Variants in ENPP1 observed in about 807,000 individuals in gnomAD.
ENPP1 encodes the protein ectonucleotide pyrophosphatase/phosphodiesterase 1.
Under a neutral mutation model 122.8 loss-of-function variants are expected in ENPP1, and 73 were observed. The ratio of observed to expected loss-of-function variants is 0.59; its 90% confidence interval spans 0.49 to 0.72. ENPP1 has a LOEUF of 0.72. Ranked by LOEUF, ENPP1 falls within the 30% of genes least tolerant of loss-of-function variation. The pLI is 0.00. For synonymous variants in ENPP1, 367 were observed against 391.6 expected, an observed-to-expected ratio of 0.94 and a Z score of 0.74; for missense variants, 978 against 1,128.1, an observed-to-expected ratio of 0.87 and a Z score of 1.91.
In ENPP1 at chr6:131,890,489, C is replaced by T; in HGVS notation, c.2756C>T (p.Pro919Leu). The stretch of plus-strand genomic sequence containing the variant: ...ATTTTAAAGTTGAAAACACATTTGC[C>T]AACCTTTAGCCAAGAAGACTGATAT... ...SDILKLKTHL[P>L]TFSQED Residue 919 changes from proline (P) to leucine (L), a missense_variant, in exon 25 of 25, where the codon CCA becomes CTA. Pro to Leu is a moderately conservative substitution (Grantham distance 98). Around this residue, in one of 3 missense-constraint regions of ENPP1, gnomAD observed 644 missense variants for 781.5 expected, o/e 0.82. Transcript: ENST00000647893. 2 of 1,613,912 alleles carry T rather than the reference C, an allele frequency of 1.2e-6. No individual in the cohort carries two copies. The highest frequency in any genetic ancestry group is 1.7e-6 in the Non-Finnish European group (2 of 1,179,786).
rs1479698678 is a variant in ENPP1 at position 131,872,319 on chromosome 6, A to G, written c.1437+218A>G. Among the ~76,000 whole-genome samples the G allele has an allele frequency of 2.0e-5, 3 of 152,298 alleles. No individual in the cohort carries two copies. In the East Asian group the frequency reaches 5.8e-4, roughly 29 times the overall value. On this transcript the variant is annotated intron_variant, in intron 14 of 24. Coordinates refer to ENST00000647893, the MANE Select transcript of ENPP1 (RefSeq NM_006208.3). ...AGAATTTGTCTATTGGCATTATAAAATTTATATGAGAAGAAGAAATAATTT... is the reference window on the plus strand; with the variant it reads ...AGAATTTGTCTATTGGCATTATAAAGTTTATATGAGAAGAAGAAATAATTT...
At chr6:131,809,066 T>C (rs2114644502) in intron 1 of ENPP1, among the ~76,000 whole-genome samples, 1 of 152,280 alleles carries the variant, frequency 6.6e-6, no homozygotes, top group Admixed American at 6.5e-5. Flanking sequence ...TGCGTAACTG[T>C]CCCTAAACCT....
intron 13 of ENPP1, among the ~76,000 whole-genome samples, chr6:131,870,920 A>T (rs1391810665): frequency 6.6e-6 from 1 of 152,192 alleles, no homozygotes; most frequent in African/African-American, 2.4e-5. Context: ...TATGAAAAAT[A>T]CAAAAATTAT....
intron 1 of ENPP1, among the ~76,000 whole-genome samples, chr6:131,829,279 A>G (rs532996378): frequency 5.6e-4 from 86 of 152,372 alleles, no homozygotes; most frequent in African/African-American, 2.0e-3. Context: ...AAAGTAATTT[A>G]ATACTACTTT....
At chr6:131,827,144 G>C in intron 1 of ENPP1, 3 of 726,938 alleles carry the variant, frequency 4.1e-6, no homozygotes, top group Non-Finnish European at 7.8e-6. Context: ...AGCATAAAAA[G>C]ATGCAGTTCT....
In ENPP1 at chr6:131,881,855, C is replaced by A. The variant is rs548330144; in HGVS notation, c.2101-490C>A. ...CCAACATGGTGAAACCCCATCTCTA[C>A]CAAAAACACAAAAATTAGCCAGGCG... On this transcript the variant is annotated intron_variant, in intron 20 of 24. Transcript: ENST00000647893. 6.2e-4 allele frequency among the ~76,000 whole-genome samples: 94 copies of A among 151,964 alleles called. 2 individuals carry two copies. The highest frequency in any genetic ancestry group is 2.0e-4 in the Admixed American group (3 of 15,270).
intron 1 of ENPP1, among the ~76,000 whole-genome samples, chr6:131,846,179 G>T (rs1188719643): frequency 6.6e-6 from 1 of 152,122 alleles, no homozygotes; most frequent in African/African-American, 2.4e-5. Context: ...CTGAAGGAAT[G>T]AATTCTTATA....
At chr6:131,837,537 A>G (rs544610691) in intron 1 of ENPP1, among the ~76,000 whole-genome samples, 9 of 151,144 alleles carry the variant, frequency 6.0e-5, no homozygotes, top group African/African-American at 2.2e-4. Context: ...AAAAAAAAAA[A>G]AAAAAACCCA....
Position 131,869,408 on chromosome 6 carries a change from G to A in ENPP1, c.1324G>A (p.Gly442Arg), listed in dbSNP as rs1433817804. ...ATACATATATCTGAATAAATATTTG[G>A]GGGATGTTAAAAATATTAAAGTTAT... ...KKYIYLNKYL[G>R]DVKNIKVIYG... Residue 442 changes from glycine to arginine, a missense_variant, in exon 13 of 25, where the codon GGG becomes AGG. Transcript: ENST00000647893. 1.2e-6 allele frequency: 2 copies of A among 1,612,266 alleles called. No individual in the cohort carries two copies. The highest frequency in any genetic ancestry group is 2.2e-5 in the South Asian group (2 of 91,034).
rs1481305632 is a variant in ENPP1 at position 131,878,523 on chromosome 6, G to C, written c.1894-19G>C. The C allele has an allele frequency of 1.3e-6, 2 of 1,575,732 alleles. No homozygotes were observed. On this transcript the variant is annotated intron_variant, in intron 18 of 24. Transcript: ENST00000647893. The stretch of plus-strand genomic sequence containing the variant: ...ACATGTCTCTCAGTCCTTAAAAATA[G>C]TTTTATAACCTTTTTTAGATTTTGC...
rs1389246050 is a variant in ENPP1 at position 131,851,256 on chromosome 6, C to G, written c.545C>G (p.Ser182Cys). ...DKGDCCINYSSVCQGEKSWVE... is the reference protein window; with the variant it reads ...DKGDCCINYSCVCQGEKSWVE... The stretch of plus-strand genomic sequence containing the variant: ...GGCGACTGCTGCATCAACTACAGTT[C>G]TGTGTGTCAAGGTCAGGTGCTCGTT... Residue 182 changes from serine (S) to cysteine (C), a missense_variant, in exon 4 of 25, where the codon TCT (serine) becomes TGT (cysteine). Coordinates refer to ENST00000647893, the MANE Select transcript of ENPP1 (RefSeq NM_006208.3). The G allele has an allele frequency of 8.7e-6, 14 of 1,614,012 alleles. No individual in the cohort carries two copies. Among genetic ancestry groups the G allele is most frequent in the Admixed American group, 8.3e-5 (5 of 60,004 alleles).
intron 1 of ENPP1, among the ~76,000 whole-genome samples, chr6:131,830,287 A>C (rs1333772246): frequency 6.6e-6 from 1 of 152,166 alleles, no homozygotes; most frequent in Admixed American, 6.5e-5. Flanking sequence ...ATTGGAGGCT[A>C]TGCCCACTCT....
Position 131,874,843 on chromosome 6 carries a change from C to T in ENPP1, c.1635+506C>T, listed in dbSNP as rs72983700. ...AATGTGTGAGATATATATATATATA[C>T]ACACACACACACACATACCATGAAA... On this transcript the variant is annotated intron_variant, in intron 16 of 24. Coordinates refer to ENST00000647893, the MANE Select transcript of ENPP1 (RefSeq NM_006208.3). Among the ~76,000 whole-genome samples, 213 of 79,476 alleles carry T rather than the reference C, an allele frequency of 2.7e-3. No homozygotes were observed. In the African/African-American group the frequency reaches 0.046, roughly 17 times the overall value. 52.1% of individuals were successfully genotyped at this position (79,476 alleles called of 152,430 possible).
At chr6:131,840,172 C>G (rs1343159273) in intron 1 of ENPP1, among the ~76,000 whole-genome samples, 1 of 152,130 alleles carries the variant, frequency 6.6e-6, no homozygotes, top group Non-Finnish European at 1.5e-5. Context: ...TATATTAATA[C>G]AAATTGGTGT....
At chr6:131,871,999 C>T in intron 13 of ENPP1, 71 bp from the exon 14 acceptor site, 2 of 1,135,232 alleles carry the variant, frequency 1.8e-6, no homozygotes, top group East Asian at 2.4e-5. Flanking sequence ...ATCTGACATT[C>T]TATATTTTTG....
chr6:131,840,673 A>T (rs1243436325), intron 1 of ENPP1, among the ~76,000 whole-genome samples: 1 of 152,204 alleles, frequency 6.6e-6, no homozygotes, highest in Non-Finnish European at 1.5e-5. Context: ...CTACTTTCAC[A>T]GCTGCTGGTT....
chr6:131,858,685 A>G lies in ENPP1; in HGVS notation c.733A>G (p.Thr245Ala), dbSNP rs769264308. ...ISKLKKCGTY[T>A]KNMRPVYPTK... ...CCTTCTAGAAAAATGTGGAACATATACTAAAAACATGAGACCGGTATATCC... is the reference window on the plus strand; with the variant it reads ...CCTTCTAGAAAAATGTGGAACATATGCTAAAAACATGAGACCGGTATATCC... The change falls in exon 7 of 25, where the codon ACT becomes GCT. Residue 245 changes from threonine to alanine, a missense_variant. Physicochemically the swap from Thr to Ala is moderately conservative, Grantham distance 58. Transcript: ENST00000647893. 8 of 1,607,974 alleles carry G rather than the reference A, an allele frequency of 5.0e-6. No homozygotes were observed. Among genetic ancestry groups the G allele is most frequent in the Non-Finnish European group, 6.0e-6 (7 of 1,174,538 alleles).
intron 1 of ENPP1, chr6:131,825,938 A>G (rs1265876770): frequency 2.1e-6 from 1 of 473,688 alleles, no homozygotes; most frequent in African/African-American, 1.9e-5. Context: ...GCCCTGGAGC[A>G]TACTTTCAAA....
rs1013858624 is a variant in ENPP1, at chr6:131,865,054, G to A, written c.1164+116G>A. 9 of 747,710 alleles carry A rather than the reference G, an allele frequency of 1.2e-5. No homozygotes were observed. In the African/African-American group the frequency reaches 1.4e-4, roughly 11 times the overall value. 46.3% of individuals were successfully genotyped at this position (747,710 alleles called of 1,614,324 possible). On this transcript the variant is annotated intron_variant, in intron 11 of 24. Coordinates refer to ENST00000647893, the MANE Select transcript of ENPP1 (RefSeq NM_006208.3). ...ATTCTATCATTTCTGGAAAAAGCAA[G>A]TATTATACACAATATTACTAAATAT...
Sources: gnomAD v4.1 joint callset for allele counts (sites outside exome capture counted in the v4.1 genomes callset) on GRCh38, gnomAD v4.1.1 for gene constraint, gnomAD v4.1.1 regional missense constraint, MANE v1.5 for transcripts, NCBI Gene and HGNC (gene_info 2026-07-23, HGNC 2026-07-21) for gene names.